POLR3B: variants seen among roughly 807,000 people sequenced by gnomAD.
POLR3B encodes DNA-directed RNA polymerase III subunit RPC2.
In POLR3B, 96 loss-of-function variants were observed where a neutral mutation model predicts 147.4. That is an observed-to-expected ratio of 0.65 (90% CI 0.55 to 0.77). The LOEUF is 0.77. POLR3B is among the 30% of genes least tolerant of loss of function. The probability of loss-of-function intolerance (pLI) is 0.00; values close to 1 mark genes in which losing one functional copy is unlikely to be tolerated. For missense variants in POLR3B, 1,036 were observed against 1,413.5 expected, an observed-to-expected ratio of 0.73 and a Z score of 4.28; for synonymous variants, 461 against 485.9, an observed-to-expected ratio of 0.95 and a Z score of 0.67.
intron 23 of POLR3B, among the ~76,000 whole-genome samples, chr12:106,468,538 G>A (rs1241810712): frequency 6.6e-6 from 1 of 152,042 alleles, no homozygotes; most frequent in Non-Finnish European, 1.5e-5. Context: ...TGATGTTAGG[G>A]TGTCGATTTT....
At chr12:106,422,359 G>A (rs1207204086) in intron 12 of POLR3B, among the ~76,000 whole-genome samples, 1 of 152,118 alleles carries the variant, frequency 6.6e-6, no homozygotes, top group Non-Finnish European at 1.5e-5. Context: ...GTTTCCTGAG[G>A]CCTCCCCAGA....
intron 27 of POLR3B, among the ~76,000 whole-genome samples, chr12:106,507,273 G>A (rs2137093848): frequency 6.6e-6 from 1 of 152,194 alleles, no homozygotes; most frequent in African/African-American, 2.4e-5. Flanking sequence ...TTCTACCTTT[G>A]CAAATTGTTC....
intron 16 of POLR3B, among the ~76,000 whole-genome samples, chr12:106,436,681 A>G (rs531573824): frequency 2.6e-5 from 4 of 152,302 alleles, no homozygotes; most frequent in African/African-American, 7.2e-5. Flanking sequence ...AGATTGATAC[A>G]TTACACCGTT....
At chr12:106,433,314 A>T (rs1293504142) in intron 15 of POLR3B, among the ~76,000 whole-genome samples, 1 of 152,204 alleles carries the variant, frequency 6.6e-6, no homozygotes, top group Non-Finnish European at 1.5e-5. Context: ...TGTTGATTAC[A>T]ACAAGAAGCA....
chr12:106,375,734 A>C (rs1021254124), intron 6 of POLR3B, among the ~76,000 whole-genome samples: 2 of 152,178 alleles, frequency 1.3e-5, no homozygotes, highest in Non-Finnish European at 2.9e-5. Context: ...ACTTGGATGC[A>C]TTGTGCTATT....
intron 18 of POLR3B, among the ~76,000 whole-genome samples, chr12:106,444,057 A>T (rs897020744): frequency 4.2e-5 from 6 of 141,782 alleles, no homozygotes; most frequent in South Asian, 2.3e-4. Context: ...TCTTGACCTC[A>T]TGATCCACCT....
intron 23 of POLR3B, among the ~76,000 whole-genome samples, chr12:106,475,983 A>C (rs1232024916): frequency 6.6e-6 from 1 of 150,844 alleles, no homozygotes; most frequent in Non-Finnish European, 1.5e-5. Context: ...ACATTTTGGC[A>C]TGATTTTGCA....
chr12:106,471,958 C>G (rs1227097489), intron 23 of POLR3B, among the ~76,000 whole-genome samples: 1 of 148,490 alleles, frequency 6.7e-6, no homozygotes, highest in Non-Finnish European at 1.5e-5. Context: ...GTGCGCTGCA[C>G]CCACTAACTC....
At chr12:106,436,951 G>T in intron 16 of POLR3B, 106 bp from the exon 17 acceptor site, 1 of 844,764 alleles carries the variant, frequency 1.2e-6, no homozygotes. Flanking sequence ...CCAGGAATAG[G>T]TTTGTTTGTA....
intron 23 of POLR3B, among the ~76,000 whole-genome samples, chr12:106,477,687 T>G (rs2038194527): frequency 1.3e-5 from 2 of 152,042 alleles, no homozygotes; most frequent in South Asian, 2.1e-4. Context: ...CCCCTTGTGC[T>G]TCCCAGGTGA....
At chr12:106,481,894 C>A (rs1391120944) in intron 23 of POLR3B, among the ~76,000 whole-genome samples, 7 of 152,126 alleles carry the variant, frequency 4.6e-5, no homozygotes, top group Admixed American at 1.3e-4. Context: ...AGAGCACTAA[C>A]CTTTTGTTTC....
chr12:106,495,692 A>AT (rs1205204077), intron 23 of POLR3B, among the ~76,000 whole-genome samples: 4 of 152,170 alleles, frequency 2.6e-5, no homozygotes, highest in Admixed American at 2.0e-4. Context: ...CGAACTAGCT[A>AT]ATGAGGAGCA....
At chr12:106,370,477 T>C (rs765410800) in intron 6 of POLR3B, among the ~76,000 whole-genome samples, 4 of 152,146 alleles carry the variant, frequency 2.6e-5, no homozygotes, top group Non-Finnish European at 4.4e-5. Flanking sequence ...TATGGAAACA[T>C]GCAGGTTTAA....
chr12:106,454,183 A>G (rs2037835041), intron 19 of POLR3B, among the ~76,000 whole-genome samples: 1 of 152,350 alleles, frequency 6.6e-6, no homozygotes, highest in African/African-American at 2.4e-5. Context: ...GTAGAACCAA[A>G]TAAAGAATTG....
intron 20 of POLR3B, 49 bp from the exon 21 acceptor site, chr12:106,457,089 T>C: frequency 1.3e-6 from 2 of 1,523,836 alleles, no homozygotes; most frequent in Non-Finnish European, 1.8e-6. Flanking sequence ...TATTTCCTTA[T>C]AGCTTTGGGT....
intron 16 of POLR3B, among the ~76,000 whole-genome samples, chr12:106,435,020 G>A (rs1008274727): frequency 6.6e-6 from 1 of 152,200 alleles, no homozygotes; most frequent in East Asian, 1.9e-4. Context: ...CTACATGCAA[G>A]AGACTGCCTG....
intron 9 of POLR3B, 57 bp downstream of exon 9, chr12:106,380,196 A>G (rs1325430265): frequency 5.2e-6 from 5 of 966,432 alleles, no homozygotes; most frequent in Non-Finnish European, 6.7e-6. Context: ...GTTTATTTAC[A>G]TATGTAATTA....
chr12:106,460,191 G>A (rs58960449), intron 22 of POLR3B, among the ~76,000 whole-genome samples: 4,315 of 152,244 alleles, frequency 0.028, 196 homozygotes, highest in African/African-American at 0.099. Flanking sequence ...AGCCACAAGC[G>A]TTGCCTGCAA....
chr12:106,506,360 A>G (rs1012918500), intron 27 of POLR3B, among the ~76,000 whole-genome samples: 1 of 152,216 alleles, frequency 6.6e-6, no homozygotes, highest in African/African-American at 2.4e-5. Flanking sequence ...AACTTCAAAA[A>G]GAGTTTCCTT....
Sources: gnomAD v4.1 joint callset for allele counts (sites outside exome capture counted in the v4.1 genomes callset) on GRCh38, gnomAD v4.1.1 for gene constraint, MANE v1.5 for transcripts, NCBI Gene and HGNC (gene_info 2026-07-23, HGNC 2026-07-21) for gene names.